Variants in TDP1 observed in about 807,000 individuals in gnomAD.
TDP1 encodes the protein tyrosyl-DNA phosphodiesterase 1.
TDP1 carries 64 observed loss-of-function variants against 81.5 expected under a neutral mutation model. The ratio of observed to expected loss-of-function variants is 0.79; its 90% CI spans 0.64 to 0.97. TDP1 has a LOEUF of 0.97. Among genes scored for constraint, TDP1 ranks in the 50% least tolerant of loss-of-function variants. The pLI, the probability that TDP1 is intolerant of heterozygous loss-of-function variation, is 0.00. For missense variants in TDP1, 723 were observed against 743.8 expected (o/e 0.97, Z 0.33); for synonymous variants, 256 against 264.3 (o/e 0.97, Z 0.30).
intron 16 of TDP1, among the ~76,000 whole-genome samples, chr14:90,039,043 G>T (rs563378843): frequency 1.3e-5 from 2 of 152,018 alleles, no homozygotes; most frequent in South Asian, 4.2e-4. Flanking sequence ...AAATTACTTT[G>T]TAATCAGGAA....
At chr14:89,984,948 A>G (rs779501337) in intron 9 of TDP1, 184 bp from the exon 10 acceptor site, 10 of 973,754 alleles carry the variant, frequency 1.0e-5, no homozygotes, top group Non-Finnish European at 1.2e-5. Flanking sequence ...GGTACTTTAC[A>G]TCTTGTAGGC....
chr14:89,993,222 G>T, intron 13 of TDP1, 154 bp from the exon 14 acceptor site: 1 of 883,148 alleles, frequency 1.1e-6, no homozygotes, highest in Non-Finnish European at 1.4e-6. Flanking sequence ...TGCGTTACTT[G>T]AATGGAGTTT....
chr14:90,034,073 A>G (rs1887584313), intron 16 of TDP1, among the ~76,000 whole-genome samples: 1 of 151,474 alleles, frequency 6.6e-6, no homozygotes, highest in African/African-American at 2.4e-5. Flanking sequence ...ACTCTAAGGA[A>G]AAAAAAAAGT....
intron 7 of TDP1, among the ~76,000 whole-genome samples, chr14:89,976,174 CA>C (rs973114309): frequency 5.3e-5 from 8 of 151,062 alleles, no homozygotes. Context: ...GGCATGATCA[CA>C]GCTCACTGCA....
chr14:89,981,617 G>T (rs1436854261), intron 8 of TDP1: 4 of 373,762 alleles, frequency 1.1e-5, no homozygotes, highest in Admixed American at 3.4e-5. Flanking sequence ...TCATTGCCTA[G>T]CTTGGGCTAG....
intron 14 of TDP1, among the ~76,000 whole-genome samples, chr14:89,996,118 G>T (rs1382414157): frequency 6.6e-6 from 1 of 152,150 alleles, no homozygotes; most frequent in Non-Finnish European, 1.5e-5. Flanking sequence ...TTCTGAAAGG[G>T]TTTCCTATCT....
chr14:90,025,725 A>G (rs1566921827), intron 15 of TDP1, among the ~76,000 whole-genome samples: 1 of 152,234 alleles, frequency 6.6e-6, no homozygotes, highest in Non-Finnish European at 1.5e-5. Context: ...GAAAGTCTCA[A>G]TATAGGAAAG....
chr14:89,962,894 A>C (rs1373860854), intron 2 of TDP1: 1 of 984,990 alleles, frequency 1.0e-6, no homozygotes, highest in African/African-American at 1.7e-5. Flanking sequence ...AGGAAGAAAA[A>C]AGAAAGGTGA....
chr14:90,023,224 G>C (rs1886292799), intron 15 of TDP1: 1 of 651,486 alleles, frequency 1.5e-6, no homozygotes, highest in Non-Finnish European at 2.8e-6. Flanking sequence ...TTGTTAAGGA[G>C]GTGGCATTCG....
In TDP1 at chr14:89,995,306, A is replaced by T. The variant is rs541623239; in HGVS notation, c.1541+1823A>T. ...AACAGCTGCATGAGGACCAGGAGGC[A>T]CAGAGTGATTAATAAGCTGCCTACT... On this transcript the variant is annotated intron_variant, in intron 14 of 16. Transcript: ENST00000335725. 3.3e-5 allele frequency among the ~76,000 whole-genome samples: 5 copies of T among 152,362 alleles called. No homozygotes were observed. The East Asian group carries it at 9.6e-4, about 29-fold the overall frequency.
intron 6 of TDP1, among the ~76,000 whole-genome samples, chr14:89,973,115 T>C (rs985296376): frequency 6.6e-6 from 1 of 152,246 alleles, no homozygotes. Context: ...CACTGCACTT[T>C]ATAGAGTTGT....
chr14:89,980,060 A>T, intron 7 of TDP1: 1 of 508,624 alleles, frequency 2.0e-6, no homozygotes, highest in Non-Finnish European at 2.5e-6. Flanking sequence ...TGTATTGTGC[A>T]CTAACATACC....
chr14:90,025,206 A>G (rs1596682064), intron 15 of TDP1, among the ~76,000 whole-genome samples: 1 of 152,236 alleles, frequency 6.6e-6, no homozygotes, highest in East Asian at 1.9e-4. Context: ...GCAGTTCTCT[A>G]CTTCCCCACA....
rs75808917 is a variant in TDP1 at position 90,043,116 on chromosome 14, G to C, written c.1800G>C (p.Thr600=). 6.2e-7 allele frequency: 1 copy of C among 1,614,170 alleles called. No homozygotes were observed. The highest frequency in any genetic ancestry group is 2.2e-5 in the East Asian group (1 of 44,886). The change falls in exon 17 of 17, where the codon ACG becomes ACC. Residue 600 remains threonine (T), a synonymous_variant. Transcript: ENST00000335725. ...WNIPYVKAPD[T]HGNMWVPS is the part of the protein sequence containing the mutation. ...TTCCTTATGTCAAAGCACCGGATACGCATGGGAACATGTGGGTGCCCTCCT... is the reference window on the plus strand; with the variant it reads ...TTCCTTATGTCAAAGCACCGGATACCCATGGGAACATGTGGGTGCCCTCCT...
chr14:89,973,911 C>T (rs1191466056), intron 6 of TDP1, among the ~76,000 whole-genome samples: 2 of 152,104 alleles, frequency 1.3e-5, no homozygotes, highest in African/African-American at 2.4e-5. Context: ...ACGGTGTCCT[C>T]ATGAGGGAGA....
chr14:89,975,579 GTGT>G, intron 6 of TDP1, 199 bp from the exon 7 acceptor site: 4 of 361,618 alleles, frequency 1.1e-5, no homozygotes, highest in Non-Finnish European at 1.4e-5. Flanking sequence ...AACAAAATTT[GTGT>G]TTTTTTTTTT....
intron 16 of TDP1, among the ~76,000 whole-genome samples, chr14:90,036,516 C>T (rs1403922111): frequency 6.6e-6 from 1 of 152,152 alleles, no homozygotes; most frequent in Non-Finnish European, 1.5e-5. Context: ...AAGCTCAATG[C>T]AAGAGGCTGC....
rs770050690 is a variant in TDP1 at position 90,019,420 on chromosome 14, T to C, written c.1644+2T>C. On this transcript the variant is annotated splice_donor_variant, in intron 15 of 16. Coordinates refer to ENST00000335725, the MANE Select transcript of TDP1 (RefSeq NM_018319.4). LOFTEE classifies it high-confidence loss of function. ...GTCCTTTTCCTCCCTTCAGCATTTG[T>C]AAGTTTACACTTCCAACTGCACAGT... is the stretch of plus-strand genomic sequence containing the variant. 3 of 1,537,492 alleles carry C rather than the reference T, an allele frequency of 2.0e-6. No individual in the cohort carries two copies. The highest frequency in any genetic ancestry group is 1.7e-5 in the Admixed American group (1 of 59,916).
chr14:90,025,208 T>C (rs1325488931), intron 15 of TDP1, among the ~76,000 whole-genome samples: 1 of 152,178 alleles, frequency 6.6e-6, no homozygotes, highest in African/African-American at 2.4e-5. Flanking sequence ...AGTTCTCTAC[T>C]TCCCCACAGC....
Sources: gnomAD v4.1 joint callset for allele counts (sites outside exome capture counted in the v4.1 genomes callset) on GRCh38, gnomAD v4.1.1 for gene constraint, MANE v1.5 for transcripts, NCBI Gene and HGNC (gene_info 2026-07-23, HGNC 2026-07-21) for gene names.